NELFB: variants seen among roughly 807,000 people sequenced by gnomAD.
NELFB encodes negative elongation factor B.
A neutral mutation model predicts 60.2 loss-of-function variants in NELFB; 34 were observed. The ratio of observed to expected loss-of-function variants is 0.56; its 90% confidence interval spans 0.43 to 0.75. The LOEUF (loss-of-function observed/expected upper bound fraction) is 0.75, where lower values mean the gene tolerates loss of function less well. NELFB is among the 30% of genes least tolerant of loss of function. The pLI, the probability that NELFB is intolerant of heterozygous loss-of-function variation, is 0.00. For missense variants in NELFB, 770 were observed against 831.6 expected (o/e 0.93, Z 0.91); for synonymous variants, 459 against 382.1 (o/e 1.20, Z -2.35).
intron 6 of NELFB, among the ~76,000 whole-genome samples, chr9:137,264,745 G>A (rs915790863): frequency 1.3e-5 from 2 of 152,270 alleles, no homozygotes; most frequent in Non-Finnish European, 2.9e-5. Flanking sequence ...GGGATTACAG[G>A]CATGCGCCAC....
intron 5 of NELFB, 133 bp from the exon 6 acceptor site, chr9:137,264,112 C>G: frequency 1.5e-6 from 1 of 654,844 alleles, no homozygotes; most frequent in Non-Finnish European, 2.7e-6. Flanking sequence ...GTCAGGATGA[C>G]TGGTGCCTGC....
chr9:137,259,019 T>C (rs1243543299), intron 4 of NELFB, among the ~76,000 whole-genome samples: 1 of 152,032 alleles, frequency 6.6e-6, no homozygotes, highest in Non-Finnish European at 1.5e-5. Context: ...AAGGGAGACC[T>C]TGTCTCTACA....
intron 10 of NELFB, among the ~76,000 whole-genome samples, chr9:137,270,215 AG>A (rs1830566574): frequency 6.9e-6 from 1 of 145,218 alleles, no homozygotes; most frequent in South Asian, 2.3e-4. Context: ...TGGGAGGCAG[AG>A]GTTGCAGTGA....
rs554134515 is a variant in NELFB at position 137,257,693 on chromosome 9, G to T, written c.741+639G>T. On this transcript the variant is annotated intron_variant, in intron 4 of 12. Transcript: ENST00000343053. ...AATTTTGTATTTTTAGTAGAGATGG[G>T]ATTTCTCCATGTTGGTCAGGCTGGT... is the stretch of plus-strand genomic sequence containing the variant. 1.4e-4 allele frequency among the ~76,000 whole-genome samples: 22 copies of T among 152,148 alleles called. No individual in the cohort carries two copies. In the South Asian group the frequency reaches 1.9e-3, roughly 13 times the overall value.
At chr9:137,259,878 C>T (rs1204685805) in intron 4 of NELFB, among the ~76,000 whole-genome samples, 38 of 148,946 alleles carry the variant, frequency 2.6e-4, no homozygotes, top group African/African-American at 9.3e-4. Flanking sequence ...GCGCCTGCCA[C>T]CATGCCCGGC....
In NELFB at chr9:137,256,855, C is replaced by G; in HGVS notation, c.542C>G (p.Ala181Gly). ...GAGAAAAAACTGAAGCTGGTTATGG[C>G]TGACAAGGAGCTGTATCGAGCCTGC... The change falls in exon 4 of 13, where the codon GCT (alanine) becomes GGT (glycine). Residue 181 changes from alanine to glycine, a missense_variant. Transcript: ENST00000343053. 1.2e-6 allele frequency: 2 copies of G among 1,614,170 alleles called. No homozygotes were observed. Among genetic ancestry groups the G allele is most frequent in the Non-Finnish European group, 1.7e-6 (2 of 1,180,032 alleles).
At chr9:137,267,469 C>T (rs1588189387) in intron 10 of NELFB, 123 bp downstream of exon 10, 1 of 638,092 alleles carries the variant, frequency 1.6e-6, no homozygotes, top group Non-Finnish European at 2.7e-6. Context: ...CCACCTCCAA[C>T]TTTGCTAGCT....
At chr9:137,268,947 A>G (rs1830551373) in intron 10 of NELFB, among the ~76,000 whole-genome samples, 1 of 152,186 alleles carries the variant, frequency 6.6e-6, no homozygotes, top group Non-Finnish European at 1.5e-5. Flanking sequence ...GAGACAGAGA[A>G]GGGGCCACAC....
rs1484217549 is a variant in NELFB, at chr9:137,255,409, C to T, written c.44C>T (p.Pro15Leu). 1 of 1,048,232 alleles carries T rather than the reference C, an allele frequency of 9.5e-7. No individual in the cohort carries two copies. The highest frequency in any genetic ancestry group is 1.3e-6 in the Non-Finnish European group (1 of 790,574). 64.9% of individuals were successfully genotyped at this position (1,048,232 alleles called of 1,614,324 possible). The change falls in exon 1 of 13, where the codon CCC becomes CTC. Residue 15 changes from proline to leucine, a missense_variant. Physicochemically the swap from Pro to Leu is moderately conservative, Grantham distance 98 (BLOSUM62 -3). Transcript: ENST00000343053. Reference sequence around the variant, plus strand: ...GCCGGGGAGCGGGGCTCGGGCGGTCCCCGAGGCCCGGCGGAGCGGGCTTCT... The same window carrying T: ...GCCGGGGAGCGGGGCTCGGGCGGTCTCCGAGGCCCGGCGGAGCGGGCTTCT...
rs113349391 is a variant in NELFB at position 137,265,843 on chromosome 9, G to A, written c.1041-34G>A. 654 of 1,417,182 alleles carry A rather than the reference G, an allele frequency of 4.6e-4. 3 individuals carry two copies. The African/African-American group carries it at 7.8e-3, about 17-fold the overall frequency. 87.8% of individuals were successfully genotyped at this position (1,417,182 alleles called of 1,614,324 possible). ...GTGCCGCTGAAGGGAGGGGCAACAG[G>A]CGTCGCATTAATGCCAGGGCGGCCT... On this transcript the variant is annotated intron_variant, in intron 6 of 12. Coordinates refer to ENST00000343053, the MANE Select transcript of NELFB (RefSeq NM_015456.5).
rs1830581444 is a variant in NELFB, at chr9:137,271,309, G to A, written c.1490-772G>A. ...TTCTGTCACTCTGGGCGCAGGTGGC[G>A]CCAGCTGGGTTGTCCTCATAAAGGC... On this transcript the variant is annotated intron_variant, in intron 10 of 12. Coordinates refer to ENST00000343053, the MANE Select transcript of NELFB (RefSeq NM_015456.5). Among the ~76,000 whole-genome samples, 3 of 152,254 alleles carry A rather than the reference G, an allele frequency of 2.0e-5. No individual in the cohort carries two copies. In the South Asian group the frequency reaches 6.2e-4, roughly 31 times the overall value.
intron 5 of NELFB, among the ~76,000 whole-genome samples, chr9:137,263,710 C>T (rs1398941204): frequency 2.6e-5 from 4 of 151,934 alleles, no homozygotes; most frequent in East Asian, 2.0e-4. Flanking sequence ...TGGCCGTTCC[C>T]GGGGACTCCC....
intron 12 of NELFB, 79 bp downstream of exon 12, chr9:137,272,694 T>A: frequency 6.6e-7 from 1 of 1,526,290 alleles, no homozygotes; most frequent in East Asian, 2.5e-5. Flanking sequence ...GCCCTTGTGG[T>A]GCTTGTGTGT....
At chr9:137,266,223 C>A in intron 7 of NELFB, 108 bp from the exon 8 acceptor site, 3 of 998,148 alleles carry the variant, frequency 3.0e-6, no homozygotes, top group South Asian at 1.6e-5. Context: ...GTCGTGTGGT[C>A]CTGGCCATGG....
chr9:137,267,205 G>T, intron 9 of NELFB, 35 bp from the exon 10 acceptor site: 4 of 1,512,294 alleles, frequency 2.6e-6, no homozygotes, highest in Non-Finnish European at 2.8e-6. Flanking sequence ...GGCTGAGGTG[G>T]GGCTGAGGTG....
At chr9:137,258,421 A>G (rs1247450794) in intron 4 of NELFB, among the ~76,000 whole-genome samples, 1 of 149,434 alleles carries the variant, frequency 6.7e-6, no homozygotes, top group Non-Finnish European at 1.5e-5. Context: ...AGCGACCACA[A>G]CTGGTTGTGA....
intron 4 of NELFB, 145 bp downstream of exon 4, chr9:137,257,199 C>T (rs1837568676): frequency 3.0e-6 from 2 of 673,310 alleles, no homozygotes; most frequent in African/African-American, 1.8e-5. Context: ...GGAGGGCTGG[C>T]TTGTACACAT....
chr9:137,269,982 AT>A lies in NELFB; in HGVS notation c.1490-2095del, dbSNP rs1004515670. ...AATTCTCTCCTGTTTATTTTTTAAC[AT>A]TTTGTGGTGGGAATTTGTGAAAGAA... On this transcript the variant is annotated intron_variant, in intron 10 of 12. Transcript: ENST00000343053. This position sits in a 1 kb window ranked among gnomAD's most constrained non-coding sequence, Gnocchi z 5.3. Among the ~76,000 whole-genome samples, 1 of 152,136 alleles carries A rather than the reference AT, an allele frequency of 6.6e-6. No homozygotes were observed. The highest frequency in any genetic ancestry group is 1.5e-5 in the Non-Finnish European group (1 of 68,032).
At chr9:137,261,995 G>GAGAGGA (rs397948281) in intron 4 of NELFB, among the ~76,000 whole-genome samples, 1 of 144,876 alleles carries the variant, frequency 6.9e-6, no homozygotes, top group Non-Finnish European at 1.5e-5. Flanking sequence ...GAGAGAGAGA[G>GAGAGGA]GAGAGAGAGA....
Sources: gnomAD v4.1 joint callset for allele counts (sites outside exome capture counted in the v4.1 genomes callset) on GRCh38, gnomAD v4.1.1 for gene constraint, Gnocchi (gnomAD v3.1) non-coding constraint, MANE v1.5 for transcripts, NCBI Gene and HGNC (gene_info 2026-07-23, HGNC 2026-07-21) for gene names.